ERCC8: variants seen among roughly 807,000 people sequenced by gnomAD.
ERCC8 encodes DNA excision repair protein ERCC-8.
Under a neutral mutation model 54.9 loss-of-function variants are expected in ERCC8, and 52 were observed. The ratio of observed to expected loss-of-function variants is 0.95; its 90% CI spans 0.76 to 1.19. The LOEUF (loss-of-function observed/expected upper bound fraction) is 1.19, where lower values mean the gene tolerates loss of function less well. Ranked by LOEUF, ERCC8 falls within the 50% of genes most tolerant of loss-of-function variation. ERCC8 has a pLI of 0.00. For synonymous variants in ERCC8, 146 were observed against 157.2 expected (o/e 0.93, Z 0.53); for missense variants, 514 against 466.1 (o/e 1.10, Z -0.95).
In ERCC8 at chr5:60,887,532, A is replaced by C. The variant is rs1241712955; in HGVS notation, c.1042-12T>G. 1 of 1,601,976 alleles carries C rather than the reference A, an allele frequency of 6.2e-7. No homozygotes were observed. The highest frequency in any genetic ancestry group is 1.7e-5 in the Admixed American group (1 of 60,002). On this transcript the variant is annotated splice_polypyrimidine_tract_variant and intron_variant, in intron 10 of 11. Coordinates refer to ENST00000676185, the MANE Select transcript of ERCC8 (RefSeq NM_000082.4). ...CCACTATAAAGTTCCTATAACATAGAAGGCAAAGATGATACTGTGGATCAA... is the reference window on the plus strand; with the variant it reads ...CCACTATAAAGTTCCTATAACATAGCAGGCAAAGATGATACTGTGGATCAA...
chr5:60,884,495 G>C (rs1296814958), intron 11 of ERCC8, among the ~76,000 whole-genome samples: 1 of 130,082 alleles, frequency 7.7e-6, no homozygotes, highest in Non-Finnish European at 1.6e-5. Flanking sequence ...AAAAAAAAAA[G>C]ACTATGTGTA....
At chr5:60,877,748 T>C (rs568851278) in intron 11 of ERCC8, among the ~76,000 whole-genome samples, 1 of 152,342 alleles carries the variant, frequency 6.6e-6, no homozygotes, top group East Asian at 1.9e-4. Flanking sequence ...CTGAAGTTGC[T>C]TATCAGCTTA....
chr5:60,903,578 T>A lies in ERCC8; in HGVS notation c.550+70A>T, dbSNP rs368308377. 4.6e-4 allele frequency: 735 copies of A among 1,600,770 alleles called. 2 individuals are homozygous for A. Among genetic ancestry groups the A allele is most frequent in the Non-Finnish European group, 6.1e-4 (713 of 1,172,036 alleles). ...GTCATGTCACTTACAAAGAATACAC[T>A]GTTAGTAACGTTTCTTTTTATTGAA... is the stretch of plus-strand genomic sequence containing the variant. On this transcript the variant is annotated intron_variant, in intron 6 of 11. Transcript: ENST00000676185.
chr5:60,886,555 A>G (rs1748398201), intron 11 of ERCC8, among the ~76,000 whole-genome samples: 1 of 151,948 alleles, frequency 6.6e-6, no homozygotes, highest in Non-Finnish European at 1.5e-5. Context: ...TACAAAAATT[A>G]GCCAGGCGTG....
chr5:60,902,608 T>C lies in ERCC8; in HGVS notation c.551-100A>G, dbSNP rs1378463048. 4 of 888,494 alleles carry C rather than the reference T, an allele frequency of 4.5e-6. No individual in the cohort carries two copies. The Admixed American group carries it at 6.9e-5, about 15-fold the overall frequency. 55.0% of individuals were successfully genotyped at this position (888,494 alleles called of 1,614,324 possible). Reference sequence around the variant, plus strand: ...TGATTCTGAAGAAAGTGAGGCCAAATATTCAATGTGAATAGATATGACCAT... The same window carrying C: ...TGATTCTGAAGAAAGTGAGGCCAAACATTCAATGTGAATAGATATGACCAT... On this transcript the variant is annotated intron_variant, in intron 6 of 11. Coordinates refer to ENST00000676185, the MANE Select transcript of ERCC8 (RefSeq NM_000082.4).
chr5:60,895,369 C>A (rs1333679598), intron 9 of ERCC8, among the ~76,000 whole-genome samples: 2 of 152,044 alleles, frequency 1.3e-5, no homozygotes, highest in African/African-American at 2.4e-5. Context: ...ATTTAGCTAC[C>A]TCATGGCAGT....
chr5:60,896,910 T>A (rs1748739971), intron 9 of ERCC8, among the ~76,000 whole-genome samples: 1 of 152,184 alleles, frequency 6.6e-6, no homozygotes, highest in Non-Finnish European at 1.5e-5. Flanking sequence ...TCCAGAGTGA[T>A]CCTGTCACTT....
At chr5:60,893,019 G>A (rs1192557520) in intron 9 of ERCC8, 3 of 781,984 alleles carry the variant, frequency 3.8e-6, no homozygotes, top group Non-Finnish European at 7.1e-6. Context: ...AGCCACAGTT[G>A]GCAACTCATT....
rs886043215 is a variant in ERCC8, at chr5:60,944,967, G to T, written c.42C>A (p.Asp14Glu). ...FLSARQTGLE[D>E]PLRLRRAEST... ...ACTCTGCTCTCCGAAGGCGAAGAGGGTCCTCCAAACCCGTTTGGCGTGCGG... is the reference window on the plus strand; with the variant it reads ...ACTCTGCTCTCCGAAGGCGAAGAGGTTCCTCCAAACCCGTTTGGCGTGCGG... Residue 14 changes from aspartate (D) to glutamate (E), a missense_variant, in exon 1 of 12, where the codon GAC becomes GAA. By Grantham distance (45) the Asp-to-Glu change is conservative. Transcript: ENST00000676185. 6.2e-6 allele frequency: 10 copies of T among 1,614,116 alleles called. No individual in the cohort carries two copies. Among genetic ancestry groups the T allele is most frequent in the South Asian group, 1.1e-5 (1 of 91,084 alleles).
rs1057398524 is a variant in ERCC8, at chr5:60,873,869, G to T, written c.*746C>A. 6.6e-6 allele frequency: 1 copy of T among 152,108 alleles called. No homozygotes were observed. Among genetic ancestry groups the T allele is most frequent in the African/African-American group, 2.4e-5 (1 of 41,418 alleles). The allele number at this position is 152,108 out of a possible 1,614,324, so 9.4% of individuals were successfully genotyped here. ...TAGAAATTTTATTACAGCATTTCAT[G>T]TTTAAGCCAGATTCCCTGCCAGGAT... On this transcript the variant is annotated 3_prime_UTR_variant, in exon 12 of 12. Transcript: ENST00000676185.
At position 60,870,690 on chromosome 5, in the gene ERCC8, A is replaced by C. The variant is rs573721913; in HGVS notation, c.*3925T>G. 6.6e-6 allele frequency among the ~76,000 whole-genome samples: 1 copy of C among 151,626 alleles called. No homozygotes were observed. Among genetic ancestry groups the C allele is most frequent in the South Asian group, 2.1e-4 (1 of 4,808 alleles). On this transcript the variant is annotated 3_prime_UTR_variant, in exon 12 of 12. Transcript: ENST00000676185. ...AAAAAAAAAGGGAAGAAAGGAAGAA[A>C]CATAGAGAGGTCAGTTACATGCAAT... is the stretch of plus-strand genomic sequence containing the variant.
chr5:60,937,918 C>T (rs555656774), intron 1 of ERCC8, among the ~76,000 whole-genome samples: 53 of 151,778 alleles, frequency 3.5e-4, no homozygotes, highest in Non-Finnish European at 6.9e-4. Flanking sequence ...GTTAGTCCTG[C>T]CTCCTATACA....
intron 11 of ERCC8, among the ~76,000 whole-genome samples, chr5:60,885,593 A>G (rs775144173): frequency 1.3e-5 from 2 of 152,154 alleles, no homozygotes; most frequent in African/African-American, 2.4e-5. Context: ...TCTGACACCA[A>G]AAGCAGCTGT....
intron 1 of ERCC8, among the ~76,000 whole-genome samples, chr5:60,930,581 A>G: frequency 6.6e-6 from 1 of 151,892 alleles, no homozygotes; most frequent in East Asian, 1.9e-4. Flanking sequence ...AAACAAACTA[A>G]AAAATGAGCC....
In ERCC8 at chr5:60,871,794, CTTTTCTTTTCT is replaced by C. The variant is rs1487529215; in HGVS notation, c.*2810_*2820del. On this transcript the variant is annotated 3_prime_UTR_variant, in exon 12 of 12. Transcript: ENST00000676185. ...AAAAATAAATTTCCAATTTTAATAG[CTTTTCTTTTCT>C]TTTTCTTTTGGGAGACACAAGGTCT... Among the ~76,000 whole-genome samples the C allele has an allele frequency of 6.6e-6, 1 of 151,972 alleles. No individual in the cohort carries two copies. Among genetic ancestry groups the C allele is most frequent in the Non-Finnish European group, 1.5e-5 (1 of 67,982 alleles).
chr5:60,905,264 C>T (rs1340552154), intron 4 of ERCC8, among the ~76,000 whole-genome samples: 1 of 137,616 alleles, frequency 7.3e-6, no homozygotes, highest in Non-Finnish European at 1.6e-5. Context: ...CCTAGAATTG[C>T]CCCTTCTTTG....
At chr5:60,880,592 C>T (rs1053507335) in intron 11 of ERCC8, among the ~76,000 whole-genome samples, 2 of 152,164 alleles carry the variant, frequency 1.3e-5, no homozygotes, top group Non-Finnish European at 2.9e-5. Context: ...CTAAACTTCT[C>T]TTCTCACTTC....
chr5:60,921,228 A>C (rs1024269627), intron 3 of ERCC8, among the ~76,000 whole-genome samples: 3 of 151,966 alleles, frequency 2.0e-5, no homozygotes, highest in Admixed American at 1.3e-4. Flanking sequence ...CAGAGCCAAC[A>C]AACAATAGCA....
intron 11 of ERCC8, among the ~76,000 whole-genome samples, chr5:60,879,619 T>C (rs1185685296): frequency 6.6e-6 from 1 of 152,264 alleles, no homozygotes; most frequent in African/African-American, 2.4e-5. Flanking sequence ...TTTACCATTA[T>C]GTAATGGCCT....
Sources: gnomAD v4.1 joint callset for allele counts (sites outside exome capture counted in the v4.1 genomes callset) on GRCh38, gnomAD v4.1.1 for gene constraint, MANE v1.5 for transcripts, NCBI Gene and HGNC (gene_info 2026-07-23, HGNC 2026-07-21) for gene names.